The following KCTD1 variants were observed in gnomAD, a reference collection of about 807,000 sequenced individuals.
KCTD1 encodes the protein potassium channel tetramerization domain containing 1.
Under a neutral mutation model 66.0 loss-of-function variants are expected in KCTD1, and 24 were observed. The ratio of observed to expected loss-of-function variants is 0.36; its 90% CI spans 0.26 to 0.51. KCTD1 has a LOEUF of 0.51. KCTD1 is among the 20% of genes least tolerant of loss of function. KCTD1 has a pLI of 0.95. For missense variants in KCTD1, 943 were observed against 1,205.2 expected, an observed-to-expected ratio of 0.78 and a Z score of 3.22; for synonymous variants, 511 against 517.2, an observed-to-expected ratio of 0.99 and a Z score of 0.16.
chr18:26,527,033 T>TAG (rs1567980874), intron 1 of KCTD1, among the ~76,000 whole-genome samples: 24 of 152,160 alleles, frequency 1.6e-4, no homozygotes, highest in Middle Eastern at 3.2e-3. Flanking sequence ...CTACCTGTTT[T>TAG]TAACTTCCCT....
intron 1 of KCTD1, among the ~76,000 whole-genome samples, chr18:26,538,014 A>G (rs1326109283): frequency 6.6e-6 from 1 of 152,162 alleles, no homozygotes; most frequent in Non-Finnish European, 1.5e-5. Flanking sequence ...TGGGAGGCTG[A>G]GGCGGGTGGA....
chr18:26,465,758 G>A (rs1980691708), intron 3 of KCTD1, among the ~76,000 whole-genome samples: 1 of 152,212 alleles, frequency 6.6e-6, no homozygotes, highest in African/African-American at 2.4e-5. Context: ...ACAGGAGCTA[G>A]GCCTGATGTC....
upstream of KCTD1, among the ~76,000 whole-genome samples, chr18:26,633,301 C>T (rs1987659657): frequency 6.6e-6 from 1 of 151,958 alleles, no homozygotes; most frequent in African/African-American, 2.4e-5. Flanking sequence ...TGTTTTATAC[C>T]ATAAACAAAA....
chr18:26,604,917 C>G (rs1986978362), intron 1 of KCTD1, among the ~76,000 whole-genome samples: 1 of 152,096 alleles, frequency 6.6e-6, no homozygotes, highest in Non-Finnish European at 1.5e-5. Flanking sequence ...TAAAGAAACT[C>G]AGGAAGTAGG....
intron 1 of KCTD1, among the ~76,000 whole-genome samples, chr18:26,587,330 A>G (rs970686631): frequency 1.3e-5 from 2 of 152,208 alleles, no homozygotes; most frequent in African/African-American, 4.8e-5. Context: ...GTTGAGACCT[A>G]CTACTCAGAA....
rs756351756 is a variant in KCTD1, at chr18:26,455,776, G to A, written c.2565C>T (p.Ser855=). Residue 855 remains serine (S), a synonymous_variant, in exon 5 of 5, where the codon TCC becomes TCT. Transcript: ENST00000580059. ...RELRRTPRVP[S]VIRIKQEPLD Reference sequence around the variant, plus strand: ...GAGGCTCTTGCTTTATCCGGATGACGGAGGGTACACGGGGCGTCCGCCTCA... The same window carrying A: ...GAGGCTCTTGCTTTATCCGGATGACAGAGGGTACACGGGGCGTCCGCCTCA... 27 of 1,613,952 alleles carry A rather than the reference G, an allele frequency of 1.7e-5. 1 individual carries two copies. The highest frequency in any genetic ancestry group is 5.5e-5 in the South Asian group (5 of 91,064).
At chr18:26,504,332 C>T (rs953381629) in intron 1 of KCTD1, among the ~76,000 whole-genome samples, 3 of 152,134 alleles carry the variant, frequency 2.0e-5, no homozygotes, top group South Asian at 2.1e-4. Context: ...CAGGCTCAAG[C>T]GATTCTCCAG....
At chr18:26,517,658 CAAA>C (rs968619785) in intron 1 of KCTD1, among the ~76,000 whole-genome samples, 5 of 53,386 alleles carry the variant, frequency 9.4e-5, no homozygotes, top group East Asian at 5.2e-4. Flanking sequence ...ACTCCGTCTC[CAAA>C]AAAAAAAAAA....
intron 2 of KCTD1, among the ~76,000 whole-genome samples, chr18:26,499,031 C>A (rs1328045941): frequency 6.6e-6 from 1 of 152,068 alleles, no homozygotes; most frequent in Non-Finnish European, 1.5e-5. Flanking sequence ...GGAAGGAGAC[C>A]CACCTAGTTA....
chr18:26,562,020 T>C (rs891930217), intron 1 of KCTD1, among the ~76,000 whole-genome samples: 2 of 152,122 alleles, frequency 1.3e-5, no homozygotes, highest in Admixed American at 6.5e-5. Flanking sequence ...TCCCTATAGT[T>C]AATCAGCCCT....
At chr18:26,621,520 G>A (rs1461701788) in intron 1 of KCTD1, among the ~76,000 whole-genome samples, 1 of 152,048 alleles carries the variant, frequency 6.6e-6, no homozygotes, top group Non-Finnish European at 1.5e-5. Flanking sequence ...AAGCAGGGGC[G>A]ACACTGGGGG....
At position 26,488,756 on chromosome 18, in the gene KCTD1, C is replaced by T. The variant is rs542053565; in HGVS notation, c.1989-12097G>A. On this transcript the variant is annotated intron_variant, in intron 2 of 4. Coordinates refer to ENST00000580059, the MANE Select transcript of KCTD1 (RefSeq NM_001142730.3). Reference sequence around the variant, plus strand: ...TAAGAATAAAAATAATCATTACCACCAGAAAAGATAAACAGCAATGTTATT... The same window carrying T: ...TAAGAATAAAAATAATCATTACCACTAGAAAAGATAAACAGCAATGTTATT... Among the ~76,000 whole-genome samples the T allele has an allele frequency of 2.6e-5, 4 of 152,124 alleles. No individual in the cohort carries two copies. The South Asian group carries it at 8.3e-4, about 32-fold the overall frequency.
chr18:26,564,644 T>C (rs7228862), intron 1 of KCTD1, among the ~76,000 whole-genome samples: 149,947 of 152,276 alleles, frequency 0.98, 73,874 homozygotes, highest in Middle Eastern at 1. Context: ...AATCCCAGCA[T>C]TTTGGGAGGC....
chr18:26,573,725 T>C (rs1986161851), intron 1 of KCTD1, among the ~76,000 whole-genome samples: 1 of 152,248 alleles, frequency 6.6e-6, no homozygotes, highest in South Asian at 2.1e-4. Flanking sequence ...TACATGTGTA[T>C]GGTAGTTGCA....
chr18:26,551,494 G>A (rs551428799), upstream of KCTD1, among the ~76,000 whole-genome samples: 11 of 152,138 alleles, frequency 7.2e-5, no homozygotes, highest in South Asian at 2.3e-3. Flanking sequence ...GATCTGCTTC[G>A]TTGCACCAGC....
intron 1 of KCTD1, among the ~76,000 whole-genome samples, chr18:26,534,607 G>A (rs1984600578): frequency 6.6e-6 from 1 of 151,956 alleles, no homozygotes; most frequent in Non-Finnish European, 1.5e-5. Context: ...GAATATATAT[G>A]TATATTTTAT....
chr18:26,592,937 G>T (rs78991655), intron 1 of KCTD1, among the ~76,000 whole-genome samples: 8,469 of 152,228 alleles, frequency 0.056, 305 homozygotes, highest in Middle Eastern at 0.14. Flanking sequence ...GGATTGTAAG[G>T]TGGGCTGCAT....
rs1033067407 is a variant in KCTD1, at chr18:26,650,814, G to T, written c.9+6546C>A. Among the ~76,000 whole-genome samples, 3 of 152,382 alleles carry T rather than the reference G, an allele frequency of 2.0e-5. No individual in the cohort carries two copies. In the South Asian group the frequency reaches 6.2e-4, roughly 32 times the overall value. On this transcript the variant is annotated intron_variant, in intron 1 of 4. Transcript: ENST00000580191. ...AGTGCTACAAAAACAAGTCAGTGAT[G>T]ATAGCAGTAGATGCTTTGGAAAGAT...
upstream of KCTD1, among the ~76,000 whole-genome samples, chr18:26,552,670 T>C (rs566886949): frequency 1.1e-3 from 168 of 152,310 alleles, no homozygotes; most frequent in African/African-American, 4.0e-3. Context: ...ATTGCAGAAG[T>C]AGAGTGAGGG....
Sources: allele counts gnomAD v4.1 joint callset (sites outside exome capture counted in the v4.1 genomes callset), GRCh38; gene constraint gnomAD v4.1.1; transcripts MANE v1.5; gene names NCBI Gene and HGNC (gene_info 2026-07-23, HGNC 2026-07-21).